The following MTREX variants were observed in gnomAD, a reference collection of about 807,000 sequenced individuals.
The protein encoded by MTREX is Mtr4 exosome RNA helicase, also known as exosome RNA helicase MTR4.
MTREX carries 76 observed loss-of-function variants against 135.4 expected under a neutral mutation model. The observed-to-expected ratio is 0.56, with a 90% CI of 0.47 to 0.68. The LOEUF (loss-of-function observed/expected upper bound fraction) is 0.68, where lower values mean the gene tolerates loss of function less well. Ranked by LOEUF, MTREX falls within the 30% of genes least tolerant of loss-of-function variation. The pLI is 0.00. For synonymous variants in MTREX, 404 were observed against 401.6 expected, an observed-to-expected ratio of 1.01 and a Z score of -0.07; for missense variants, 920 against 1,262.1, an observed-to-expected ratio of 0.73 and a Z score of 4.11.
intron 9 of MTREX, 125 bp from the exon 10 acceptor site, chr5:55,344,969 G>T: frequency 3.1e-6 from 2 of 638,624 alleles, no homozygotes. Flanking sequence ...ATCATGTTTG[G>T]ACTATTTTAG....
chr5:55,422,967 A>G lies in MTREX; in HGVS notation c.3061A>G (p.Asn1021Asp), dbSNP rs1485174342. ...AKAIGNTELE[N>D]KFAEGITKIK... ...AGCCATTGGAAACACTGAGCTGGAA[A>G]ATAAATTTGCAGAAGGTCAGTATCA... The change falls in exon 26 of 27, where the codon AAT becomes GAT. Residue 1021 changes from asparagine to aspartate, a missense_variant. Asn to Asp is a conservative substitution (Grantham distance 23). Transcript: ENST00000230640. 6.2e-7 allele frequency: 1 copy of G among 1,613,838 alleles called. No homozygotes were observed. Among genetic ancestry groups the G allele is most frequent in the Non-Finnish European group, 8.5e-7 (1 of 1,179,804 alleles).
intron 8 of MTREX, among the ~76,000 whole-genome samples, chr5:55,344,157 T>C (rs951779347): frequency 6.6e-6 from 1 of 152,102 alleles, no homozygotes; most frequent in Non-Finnish European, 1.5e-5. Flanking sequence ...AAAGCCTGGG[T>C]GGGGCAGAAA....
At chr5:55,347,626 A>G (rs1054071642) in intron 11 of MTREX, among the ~76,000 whole-genome samples, 7 of 152,236 alleles carry the variant, frequency 4.6e-5, no homozygotes, top group Admixed American at 2.0e-4. Flanking sequence ...ATTCCTATAC[A>G]TTAATTGCAA....
intron 1 of MTREX, among the ~76,000 whole-genome samples, chr5:55,314,368 T>C (rs1002982655): frequency 6.6e-6 from 1 of 152,238 alleles, no homozygotes; most frequent in Admixed American, 6.5e-5. Flanking sequence ...TTCATGCTGC[T>C]AATCAGTTGA....
At chr5:55,335,348 T>C (rs766812616) in intron 5 of MTREX, among the ~76,000 whole-genome samples, 3 of 152,080 alleles carry the variant, frequency 2.0e-5, no homozygotes, top group Admixed American at 6.6e-5. Flanking sequence ...TTCATGCAAT[T>C]GGTATACCTA....
At position 55,349,629 on chromosome 5, in the gene MTREX, G is replaced by C; in HGVS notation, c.1297G>C (p.Asp433His). Reference protein sequence around the residue: ...VFSNAIDCLSDEDKKLPQVEH... With the variant: ...VFSNAIDCLSHEDKKLPQVEH... Reference sequence around the variant, plus strand: ...CAGTAATGCAATTGATTGCTTATCCGATGAAGATAAAAAACTCCCTCAGGT... The same window carrying C: ...CAGTAATGCAATTGATTGCTTATCCCATGAAGATAAAAAACTCCCTCAGGT... Residue 433 changes from aspartate (D) to histidine (H), a missense_variant, in exon 12 of 27, where the codon GAT becomes CAT. Transcript: ENST00000230640. 1.2e-6 allele frequency: 2 copies of C among 1,600,844 alleles called. No homozygotes were observed. The highest frequency in any genetic ancestry group is 1.7e-6 in the Non-Finnish European group (2 of 1,168,610).
intron 3 of MTREX, among the ~76,000 whole-genome samples, chr5:55,327,138 A>G (rs1561187288): frequency 6.6e-6 from 1 of 152,170 alleles, no homozygotes; most frequent in Non-Finnish European, 1.5e-5. Context: ...TGCTATTGTG[A>G]ATAGTGCTGC....
intron 23 of MTREX, 86 bp from the exon 24 acceptor site, chr5:55,414,096 A>G: frequency 1.1e-6 from 1 of 913,672 alleles, no homozygotes; most frequent in Non-Finnish European, 1.6e-6. Flanking sequence ...CTATCTTACA[A>G]GCTTTAATTT....
At chr5:55,397,569 T>C in intron 20 of MTREX, 43 bp downstream of exon 20, 1 of 1,322,414 alleles carries the variant, frequency 7.6e-7, no homozygotes, top group Non-Finnish European at 1.1e-6. Flanking sequence ...TTTATGTAAA[T>C]ACAGGTAGTG....
At chr5:55,358,366 T>C (rs964536513) in intron 14 of MTREX, among the ~76,000 whole-genome samples, 1 of 152,174 alleles carries the variant, frequency 6.6e-6, no homozygotes, top group African/African-American at 2.4e-5. Flanking sequence ...GTTATGTCAG[T>C]GTGATGTCGG....
intron 1 of MTREX, among the ~76,000 whole-genome samples, chr5:55,315,911 C>T (rs1032283572): frequency 7.9e-5 from 12 of 151,198 alleles, no homozygotes; most frequent in Non-Finnish European, 1.3e-4. Context: ...TTTTATACCC[C>T]GGCAGAAATC....
At chr5:55,312,797 A>C (rs1213039378) in intron 1 of MTREX, among the ~76,000 whole-genome samples, 1 of 152,114 alleles carries the variant, frequency 6.6e-6, no homozygotes, top group African/African-American at 2.4e-5. Context: ...AGTGCTCTTG[A>C]GGTTGGCTGT....
Position 55,348,990 on chromosome 5 carries a change from A to G in MTREX, c.1241-583A>G, listed in dbSNP as rs182613245. Among the ~76,000 whole-genome samples, 8 of 152,294 alleles carry G rather than the reference A, an allele frequency of 5.3e-5. No individual in the cohort carries two copies. The East Asian group carries it at 1.4e-3, about 26-fold the overall frequency. ...ATAGTTCCTGTGTCCTGTAATTGTT[A>G]GACTTAAATGTTGTATGTAAAGCAC... On this transcript the variant is annotated intron_variant, in intron 11 of 26. Transcript: ENST00000230640.
chr5:55,362,862 A>G (rs1750039965), intron 15 of MTREX, among the ~76,000 whole-genome samples: 1 of 152,246 alleles, frequency 6.6e-6, no homozygotes. Context: ...ACTAGAAGAA[A>G]TACATGCTCC....
At chr5:55,337,650 C>T (rs1749575098) in intron 5 of MTREX, among the ~76,000 whole-genome samples, 1 of 152,048 alleles carries the variant, frequency 6.6e-6, no homozygotes, top group Non-Finnish European at 1.5e-5. Context: ...ATATACTTAG[C>T]CATTTGTTAT....
intron 22 of MTREX, among the ~76,000 whole-genome samples, chr5:55,409,820 A>G (rs1389621604): frequency 6.6e-6 from 1 of 152,222 alleles, no homozygotes; most frequent in Non-Finnish European, 1.5e-5. Flanking sequence ...TATTTTTCAG[A>G]TTTGTGGATG....
Position 55,347,925 on chromosome 5 carries a change from CA to C in MTREX, c.1240+785del, listed in dbSNP as rs370243969. On this transcript the variant is annotated intron_variant, in intron 11 of 26. Transcript: ENST00000230640. ...GCTTGTGCAGGAAAACTCCCATTTTCAAAACCATCAGATCTCATGAGACTTA... is the reference window on the plus strand; with the variant it reads ...GCTTGTGCAGGAAAACTCCCATTTTCAAACCATCAGATCTCATGAGACTTA... Among the ~76,000 whole-genome samples, 462 of 152,206 alleles carry C rather than the reference CA, an allele frequency of 3.0e-3. 1 individual carries two copies. The highest frequency in any genetic ancestry group is 0.011 in the African/African-American group (448 of 41,544).
At chr5:55,311,371 G>A (rs1393504371) in intron 1 of MTREX, among the ~76,000 whole-genome samples, 1 of 152,120 alleles carries the variant, frequency 6.6e-6, no homozygotes, top group Non-Finnish European at 1.5e-5. Flanking sequence ...ATCATTGGTA[G>A]TTGAATCAGG....
At chr5:55,365,307 T>A (rs1362856585) in intron 15 of MTREX, among the ~76,000 whole-genome samples, 1 of 152,162 alleles carries the variant, frequency 6.6e-6, no homozygotes, top group Non-Finnish European at 1.5e-5. Flanking sequence ...CACCACTCCT[T>A]TTGGCCCTAT....
Sources: allele counts gnomAD v4.1 joint callset (sites outside exome capture counted in the v4.1 genomes callset), GRCh38; gene constraint gnomAD v4.1.1; transcripts MANE v1.5; gene names NCBI Gene and HGNC (gene_info 2026-07-23, HGNC 2026-07-21).